Variants in LRIT3 observed in about 807,000 individuals in gnomAD.
LRIT3 encodes leucine rich repeat, Ig-like and transmembrane domains 3, also known as leucine-rich repeat, immunoglobulin-like domain and transmembrane domain-containing protein 3.
LRIT3 carries 14 observed loss-of-function variants against 22.6 expected under a neutral mutation model. The ratio of observed to expected loss-of-function variants is 0.62; its 90% confidence interval spans 0.41 to 0.97. The LOEUF (loss-of-function observed/expected upper bound fraction) is 0.97. LRIT3 is among the 50% of genes least tolerant of loss of function. The pLI is 0.00. For missense variants in LRIT3, 783 were observed against 803.0 expected (o/e 0.98, Z 0.30); for synonymous variants, 306 against 304.5 (o/e 1.01, Z -0.05).
chr4:109,850,418 C>CTTTCTTTCTTTCTTT (rs1491056843), intron 1 of LRIT3, among the ~76,000 whole-genome samples: 1,657 of 28,178 alleles, frequency 0.059, 294 homozygotes, highest in Middle Eastern at 0.12. Context: ...TTCCTTCCTT[C>CTTTCTTTCTTTCTTT]CTTCCTTTCT....
chr4:109,856,910 C>A (rs890515640), intron 2 of LRIT3, among the ~76,000 whole-genome samples: 2 of 152,004 alleles, frequency 1.3e-5, no homozygotes, highest in African/African-American at 4.8e-5. Flanking sequence ...GCAATCAAGC[C>A]CATTATTACT....
chr4:109,864,309 TATG>T (rs1175838870), intron 2 of LRIT3, among the ~76,000 whole-genome samples: 1 of 152,186 alleles, frequency 6.6e-6, no homozygotes, highest in East Asian at 1.9e-4. Flanking sequence ...TCTTAGGCAC[TATG>T]ATAACATCCC....
At chr4:109,869,581 A>G (rs1166529293) in intron 3 of LRIT3, 64 bp from the exon 4 acceptor site, 1 of 1,456,534 alleles carries the variant, frequency 6.9e-7, no homozygotes, top group Non-Finnish European at 9.2e-7. Context: ...TTTCCTCCTC[A>G]GTTGGCATGG....
At chr4:109,850,397 TCCTTCCTTCCTTC>T (rs1560588793) in intron 1 of LRIT3, among the ~76,000 whole-genome samples, 7 of 992 alleles carry the variant, frequency 7.1e-3, no homozygotes, top group Non-Finnish European at 0.015. Context: ...CTTCCTTCCT[TCCTTCCTTCCTTC>T]CTTCCTTCCT....
chr4:109,867,531 G>A (rs892880407), intron 2 of LRIT3, 110 bp from the exon 3 acceptor site: 209 of 1,000,592 alleles, frequency 2.1e-4, no homozygotes, highest in Non-Finnish European at 1.3e-4. Context: ...ATCCCTCAAA[G>A]CACTTCTGTT....
At chr4:109,852,782 C>T (rs897028274) in intron 2 of LRIT3, among the ~76,000 whole-genome samples, 5 of 152,112 alleles carry the variant, frequency 3.3e-5, no homozygotes, top group African/African-American at 7.2e-5. Flanking sequence ...TGTTCCCCTC[C>T]CTGTGTCCAT....
At chr4:109,855,410 T>G (rs1402997512) in intron 2 of LRIT3, among the ~76,000 whole-genome samples, 4 of 152,204 alleles carry the variant, frequency 2.6e-5, no homozygotes, top group Non-Finnish European at 5.9e-5. Context: ...TTTTATTGAG[T>G]CTATTTGATT....
At chr4:109,850,928 A>T (rs1228184435) in intron 1 of LRIT3, among the ~76,000 whole-genome samples, 1 of 151,552 alleles carries the variant, frequency 6.6e-6, no homozygotes, top group African/African-American at 2.4e-5. Context: ...ACAGAGTTCA[A>T]CTTTAAACAT....
intron 3 of LRIT3, 59 bp downstream of exon 3, chr4:109,868,005 C>T: frequency 6.6e-7 from 1 of 1,503,780 alleles, no homozygotes; most frequent in Non-Finnish European, 9.0e-7. Flanking sequence ...AAGTTAACAT[C>T]ATGTGTTGTG....
At chr4:109,866,841 A>AG (rs1231357174) in intron 2 of LRIT3, among the ~76,000 whole-genome samples, 2 of 152,226 alleles carry the variant, frequency 1.3e-5, no homozygotes, top group Non-Finnish European at 2.9e-5. Context: ...GACATCCTGA[A>AG]GATGCTTGCA....
chr4:109,858,989 A>C (rs867971598), intron 2 of LRIT3, among the ~76,000 whole-genome samples: 3 of 152,202 alleles, frequency 2.0e-5, no homozygotes, highest in African/African-American at 2.4e-5. Flanking sequence ...CTCTGGTTTG[A>C]CAGGTAGCCC....
rs1734120420 is a variant in LRIT3 at position 109,848,222 on chromosome 4, G to A, written c.21G>A (p.Leu7=). The part of the protein sequence containing the change: MHLFAC[L]CIVLSFLEGV... Reference sequence around the variant, plus strand: ...GAGCAATGCATCTCTTTGCATGTCTGTGCATTGTCCTTAGCTTTTTGGAAG... The same window carrying A: ...GAGCAATGCATCTCTTTGCATGTCTATGCATTGTCCTTAGCTTTTTGGAAG... Residue 7 remains leucine, a synonymous_variant, in exon 1 of 4, where the codon CTG becomes CTA. Transcript: ENST00000594814. 1.6e-6 allele frequency: 2 copies of A among 1,231,566 alleles called. No individual in the cohort carries two copies. Among genetic ancestry groups the A allele is most frequent in the African/African-American group, 1.6e-5 (1 of 64,388 alleles). The allele number at this position is 1,231,566 out of a possible 1,614,324, so 76.3% of individuals were successfully genotyped here.
chr4:109,868,594 A>C (rs1007453082), intron 3 of LRIT3, among the ~76,000 whole-genome samples: 25 of 151,278 alleles, frequency 1.7e-4, no homozygotes, highest in Non-Finnish European at 2.9e-4. Context: ...CTTTTGTACA[A>C]GTCTCTCATT....
In LRIT3 at chr4:109,870,005, C is replaced by T. The variant is rs1475822837; in HGVS notation, c.1256C>T (p.Thr419Ile). 1 of 1,614,198 alleles carries T rather than the reference C, an allele frequency of 6.2e-7. No homozygotes were observed. Among genetic ancestry groups the T allele is most frequent in the African/African-American group, 1.3e-5 (1 of 75,050 alleles). ...TCTTTATCTCCTTTCTCCTCCTCCA[C>T]TGTTTCTTCAACCACAACTCTGAGC... The part of the protein sequence containing the change: ...SFSLSPFSSS[T>I]VSSTTTLSTS... The change falls in exon 4 of 4, where the codon ACT (threonine) becomes ATT (isoleucine). Residue 419 changes from threonine (T) to isoleucine (I), a missense_variant. By Grantham distance (89) the Thr-to-Ile change is moderately conservative. Coordinates refer to ENST00000594814, the MANE Select transcript of LRIT3 (RefSeq NM_198506.5).
intron 2 of LRIT3, among the ~76,000 whole-genome samples, chr4:109,854,162 A>G (rs1384103786): frequency 6.6e-6 from 1 of 152,186 alleles, no homozygotes; most frequent in Non-Finnish European, 1.5e-5. Context: ...CATTGAATCT[A>G]TAAATTACTT....
chr4:109,865,395 T>G (rs1027721697), intron 2 of LRIT3: 2 of 1,217,596 alleles, frequency 1.6e-6, no homozygotes, highest in Non-Finnish European at 2.4e-6. Flanking sequence ...TGGTATCTGG[T>G]GGTGAAATGG....
chr4:109,869,807 T>A lies in LRIT3; in HGVS notation c.1058T>A (p.Ile353Lys). The change falls in exon 4 of 4, where the codon ATA becomes AAA. Residue 353 changes from isoleucine (I) to lysine (K), a missense_variant. By Grantham distance (102) the Ile-to-Lys change is moderately radical. Coordinates refer to ENST00000594814, the MANE Select transcript of LRIT3 (RefSeq NM_198506.5). ...VTVLGITTTP[I>K]PPDTSERTGD... is the part of the protein sequence containing the mutation. ...GTGCTTGGCATTACCACAACTCCAA[T>A]ACCACCAGACACTTCTGAAAGAACT... 1 of 1,613,922 alleles carries A rather than the reference T, an allele frequency of 6.2e-7. No homozygotes were observed. The highest frequency in any genetic ancestry group is 8.5e-7 in the Non-Finnish European group (1 of 1,179,832).
chr4:109,850,077 A>G (rs1342413722), intron 1 of LRIT3, among the ~76,000 whole-genome samples: 1 of 152,210 alleles, frequency 6.6e-6, no homozygotes, highest in Non-Finnish European at 1.5e-5. Context: ...CTACCACTAC[A>G]TTGCAGCTTT....
At chr4:109,850,354 T>TCTGC (rs1734184326) in intron 1 of LRIT3, among the ~76,000 whole-genome samples, 1 of 137,060 alleles carries the variant, frequency 7.3e-6, no homozygotes, top group Non-Finnish European at 1.6e-5. Context: ...GACAGTGTTG[T>TCTGC]CTTCCTTCCT....
Sources: allele counts gnomAD v4.1 joint callset (sites outside exome capture counted in the v4.1 genomes callset), GRCh38; gene constraint gnomAD v4.1.1; transcripts MANE v1.5; gene names NCBI Gene and HGNC (gene_info 2026-07-23, HGNC 2026-07-21).